Variants in NRXN3 observed in about 807,000 individuals in gnomAD.
NRXN3 encodes the protein neurexin III.
In NRXN3, 32 loss-of-function variants were observed where a neutral mutation model predicts 137.6. The ratio of observed to expected loss-of-function variants is 0.23; its 90% confidence interval spans 0.18 to 0.31. NRXN3 has a LOEUF of 0.31. Ranked by LOEUF, NRXN3 falls within the 10% of genes least tolerant of loss-of-function variation. NRXN3 has a pLI of 1.00. For missense variants in NRXN3, 1,574 were observed against 2,062.5 expected, an observed-to-expected ratio of 0.76 and a Z score of 4.59; for synonymous variants, 798 against 784.5, an observed-to-expected ratio of 1.02 and a Z score of -0.29.
intron 20 of NRXN3, among the ~76,000 whole-genome samples, chr14:79,843,054 G>A (rs1222653492): frequency 6.6e-6 from 1 of 152,038 alleles, no homozygotes; most frequent in Non-Finnish European, 1.5e-5. Flanking sequence ...TGTAGCAAAT[G>A]GCAGGATCTC....
At chr14:79,426,946 T>C (rs116083907) in intron 15 of NRXN3, among the ~76,000 whole-genome samples, 4,335 of 152,292 alleles carry the variant, frequency 0.028, 200 homozygotes, top group African/African-American at 0.099. Flanking sequence ...TTTGTTCTTT[T>C]GGGTTTCCAA....
At chr14:79,368,339 T>C (rs2093973250) in intron 15 of NRXN3, among the ~76,000 whole-genome samples, 1 of 152,220 alleles carries the variant, frequency 6.6e-6, no homozygotes, top group Non-Finnish European at 1.5e-5. Flanking sequence ...GAACTAACAT[T>C]GATTCTACAA....
intron 10 of NRXN3, among the ~76,000 whole-genome samples, chr14:78,885,911 G>A (rs2099142295): frequency 1.3e-5 from 2 of 152,060 alleles, no homozygotes; most frequent in South Asian, 4.1e-4. Context: ...TAGGAGCAGA[G>A]GAAGGGATGT....
intron 1 of NRXN3, among the ~76,000 whole-genome samples, chr14:78,193,569 C>T (rs1447064569): frequency 6.6e-5 from 10 of 151,880 alleles, no homozygotes; most frequent in East Asian, 1.9e-4. Flanking sequence ...CAAGACCAGC[C>T]GGGACAACAT....
chr14:78,814,650 G>A (rs770971479), intron 10 of NRXN3, among the ~76,000 whole-genome samples: 14 of 152,052 alleles, frequency 9.2e-5, no homozygotes, highest in Admixed American at 2.0e-4. Context: ...AAAGAACCAG[G>A]GCTGTTTTCT....
At chr14:78,652,041 A>G (rs2097750100) in intron 6 of NRXN3, among the ~76,000 whole-genome samples, 1 of 152,208 alleles carries the variant, frequency 6.6e-6, no homozygotes, top group African/African-American at 2.4e-5. Flanking sequence ...ATGAGTGCAA[A>G]GTTTGATTTT....
At chr14:79,698,130 A>G (rs1430444372) in intron 19 of NRXN3, among the ~76,000 whole-genome samples, 193 bp downstream of exon 19, 1 of 151,794 alleles carries the variant, frequency 6.6e-6, no homozygotes, top group Non-Finnish European at 1.5e-5. Context: ...AGTCTGTGGC[A>G]CTCCTGGGTT....
At chr14:78,630,168 C>A (rs1028458782) in intron 4 of NRXN3, among the ~76,000 whole-genome samples, 1 of 152,162 alleles carries the variant, frequency 6.6e-6, no homozygotes, top group Non-Finnish European at 1.5e-5. Context: ...CTTGAAGCAC[C>A]TGGTGGACCT....
At chr14:79,718,256 A>G (rs2098830431) in intron 19 of NRXN3, among the ~76,000 whole-genome samples, 1 of 152,158 alleles carries the variant, frequency 6.6e-6, no homozygotes, top group Non-Finnish European at 1.5e-5. Context: ...GGGAACGGTT[A>G]GTGTAAAGGC....
At chr14:78,886,688 T>C (rs920478275) in intron 10 of NRXN3, among the ~76,000 whole-genome samples, 4 of 152,056 alleles carry the variant, frequency 2.6e-5, no homozygotes, top group Non-Finnish European at 5.9e-5. Context: ...TATTTAACAG[T>C]CTTATGAAAG....
At chr14:79,334,470 A>G (rs2092081185) in intron 15 of NRXN3, among the ~76,000 whole-genome samples, 1 of 152,200 alleles carries the variant, frequency 6.6e-6, no homozygotes, top group African/African-American at 2.4e-5. Context: ...CTTATTGGAG[A>G]AACAGTGGGA....
At position 79,194,206 on chromosome 14, in the gene NRXN3, C is replaced by T. The variant is rs115521669; in HGVS notation, c.3262+206065C>T. Among the ~76,000 whole-genome samples, 738 of 152,256 alleles carry T rather than the reference C, an allele frequency of 4.8e-3. 8 individuals carry two copies. Among genetic ancestry groups the T allele is most frequent in the African/African-American group, 0.017 (694 of 41,548 alleles). On this transcript the variant is annotated intron_variant, in intron 15 of 20. Coordinates refer to ENST00000335750, the MANE Select transcript of NRXN3 (RefSeq NM_001330195.2). Reference sequence around the variant, plus strand: ...CTGATATTACATTTTCCCAGGATTCCTCTCACTTGTGCTGTTTTCAGTGAT... The same window carrying T: ...CTGATATTACATTTTCCCAGGATTCTTCTCACTTGTGCTGTTTTCAGTGAT...
At position 79,671,736 on chromosome 14, in the gene NRXN3, T is replaced by TAAATAC. The variant is rs2098608808; in HGVS notation, c.3616+7790_3616+7795dup. On this transcript the variant is annotated intron_variant, in intron 17 of 20. Transcript: ENST00000335750. ...ATAAACAGGCTTGTATCTTATAAGTTAAATACAATTACTGCTATCAAACCT... is the reference window on the plus strand; with the variant it reads ...ATAAACAGGCTTGTATCTTATAAGTTAAATACAAATACAATTACTGCTATCAAACCT... Among the ~76,000 whole-genome samples the TAAATAC allele has an allele frequency of 7.2e-5, 11 of 152,206 alleles. 4 individuals are homozygous for TAAATAC. Among genetic ancestry groups the TAAATAC allele is most frequent in the Admixed American group, 7.2e-4 (11 of 15,254 alleles).
At chr14:78,252,832 T>C (rs1377258276) in intron 2 of NRXN3, among the ~76,000 whole-genome samples, 1 of 152,188 alleles carries the variant, frequency 6.6e-6, no homozygotes, top group African/African-American at 2.4e-5. Flanking sequence ...TGCTTTCAAA[T>C]AGAAAGGAGT....
At chr14:79,734,149 G>A (rs910011026) in intron 19 of NRXN3, among the ~76,000 whole-genome samples, 26 of 152,122 alleles carry the variant, frequency 1.7e-4, no homozygotes, top group Admixed American at 2.6e-4. Context: ...AAACAGACTT[G>A]TTTTTCCTCT....
chr14:79,626,578 A>C (rs2098283889), intron 16 of NRXN3, among the ~76,000 whole-genome samples: 1 of 152,210 alleles, frequency 6.6e-6, no homozygotes, highest in Non-Finnish European at 1.5e-5. Flanking sequence ...CTTATTCTTC[A>C]GATAAACAGG....
chr14:79,571,317 A>G (rs1449831694), intron 16 of NRXN3, among the ~76,000 whole-genome samples: 1 of 152,208 alleles, frequency 6.6e-6, no homozygotes, highest in East Asian at 1.9e-4. Flanking sequence ...CTCAAGATAA[A>G]AATGCATTGA....
chr14:79,491,389 A>G (rs956671581), intron 16 of NRXN3, among the ~76,000 whole-genome samples: 1 of 152,184 alleles, frequency 6.6e-6, no homozygotes, highest in Non-Finnish European at 1.5e-5. Context: ...AAGTGATAAG[A>G]TGAAACCAAG....
In NRXN3 at chr14:79,761,220, C is replaced by T. The variant is rs547375356; in HGVS notation, c.4015-43892C>T. Among the ~76,000 whole-genome samples the T allele has an allele frequency of 7.9e-5, 12 of 151,668 alleles. 1 individual carries two copies. The highest frequency in any genetic ancestry group is 2.1e-4 in the South Asian group (1 of 4,830). ...AACTAAGAAGCATTTTGTCATCCGA[C>T]GGCTCCTCTTCCTTTGGCCTTCTGT... On this transcript the variant is annotated intron_variant, in intron 19 of 20. Coordinates refer to ENST00000335750, the MANE Select transcript of NRXN3 (RefSeq NM_001330195.2).
Sources: allele counts gnomAD v4.1 joint callset (sites outside exome capture counted in the v4.1 genomes callset), GRCh38; gene constraint gnomAD v4.1.1; transcripts MANE v1.5; gene names NCBI Gene and HGNC (gene_info 2026-07-23, HGNC 2026-07-21).